The following FUT8 variants were observed in gnomAD, a reference collection of about 807,000 sequenced individuals.
FUT8 encodes the protein fucosyltransferase 8, also known as alpha-(1,6)-fucosyltransferase.
FUT8 carries 29 observed loss-of-function variants against 71.3 expected under a neutral mutation model. That is an observed-to-expected ratio of 0.41 (90% CI 0.30 to 0.55). The LOEUF (loss-of-function observed/expected upper bound fraction) is 0.55, where lower values mean the gene tolerates loss of function less well. FUT8 is among the 20% of genes least tolerant of loss of function. FUT8 has a pLI of 0.34. For synonymous variants in FUT8, 254 were observed against 239.3 expected, an observed-to-expected ratio of 1.06 and a Z score of -0.57; for missense variants, 544 against 702.1, an observed-to-expected ratio of 0.77 and a Z score of 2.55.
At chr14:65,588,284 C>G (rs1386732944) in intron 3 of FUT8, among the ~76,000 whole-genome samples, 1 of 152,130 alleles carries the variant, frequency 6.6e-6, no homozygotes, top group African/African-American at 2.4e-5. Context: ...TGCACATGCT[C>G]TTCCTTCTGT....
At chr14:65,390,560 T>G in the FUT8 span, among the ~76,000 whole-genome samples, 3 of 151,842 alleles carry the variant, frequency 2.0e-5, no homozygotes, top group African/African-American at 7.3e-5. Context: ...ATGAAGTAAT[T>G]CAGGTTTTCT....
At chr14:65,369,765 C>CTTTCTCAGGAG in the FUT8 span, among the ~76,000 whole-genome samples, 1 of 152,202 alleles carries the variant, frequency 6.6e-6, no homozygotes, top group African/African-American at 2.4e-5. The surrounding 1 kb of genome is among the most constrained non-coding windows in gnomAD (Gnocchi z 4.6). Context: ...GTGCCCACTC[C>CTTTCTCAGGAG]TTTCTCAGGA....
intron 8 of FUT8, 114 bp downstream of exon 8, chr14:65,722,135 A>C (rs1245624205): frequency 7.6e-7 from 1 of 1,309,656 alleles, no homozygotes; most frequent in Non-Finnish European, 1.0e-6. Context: ...GTCCCACCAA[A>C]GGACAGAGGT....
At chr14:65,367,907 A>G in the FUT8 span, among the ~76,000 whole-genome samples, 1 of 152,094 alleles carries the variant, frequency 6.6e-6, no homozygotes, top group South Asian at 2.1e-4. Flanking sequence ...CTTTCTTCAT[A>G]AGAAAAGCTG....
intron 2 of FUT8, among the ~76,000 whole-genome samples, chr14:65,464,311 A>T (rs1252708182): frequency 7.9e-6 from 1 of 127,288 alleles, no homozygotes; most frequent in African/African-American, 3.0e-5. Flanking sequence ...GCAAATAGAG[A>T]GTTTTATTTC....
At chr14:65,687,802 T>C (rs1893371706) in intron 7 of FUT8, among the ~76,000 whole-genome samples, 1 of 151,812 alleles carries the variant, frequency 6.6e-6, no homozygotes, top group Non-Finnish European at 1.5e-5. Flanking sequence ...GGTGCGATCA[T>C]AGCTCACTGC....
At chr14:65,690,722 T>C (rs1392635647) in intron 7 of FUT8, among the ~76,000 whole-genome samples, 1 of 149,020 alleles carries the variant, frequency 6.7e-6, no homozygotes, top group Non-Finnish European at 1.5e-5. Flanking sequence ...AGGAAAACAT[T>C]TGACTTTTTT....
intron 9 of FUT8, among the ~76,000 whole-genome samples, chr14:65,730,345 G>A (rs1260713538): frequency 2.0e-5 from 3 of 152,140 alleles, no homozygotes; most frequent in Non-Finnish European, 4.4e-5. Context: ...TTAATGCTTT[G>A]TGGCTTGGTA....
upstream of FUT8, chr14:65,412,128 G>T (rs1416576661): frequency 4.4e-6 from 2 of 454,282 alleles, no homozygotes; most frequent in Non-Finnish European, 8.8e-6. Context: ...TCAGGCCCTC[G>T]TGGGGGGGGT....
At chr14:65,546,510 A>G (rs770518709) in intron 2 of FUT8, among the ~76,000 whole-genome samples, 2 of 151,712 alleles carry the variant, frequency 1.3e-5, no homozygotes, top group African/African-American at 2.4e-5. Context: ...TTGTTTTTTT[A>G]AACTGATGAA....
chr14:65,498,618 G>T (rs1333145274), intron 2 of FUT8, among the ~76,000 whole-genome samples: 1 of 152,068 alleles, frequency 6.6e-6, no homozygotes, highest in Non-Finnish European at 1.5e-5. Flanking sequence ...CTATCTGCCA[G>T]TACAACAATG....
chr14:65,692,700 A>G (rs928699663), intron 7 of FUT8, among the ~76,000 whole-genome samples: 1 of 136,036 alleles, frequency 7.4e-6, no homozygotes, highest in African/African-American at 2.9e-5. Flanking sequence ...GGGGCTCCTC[A>G]CTTCTCAGAC....
At chr14:65,623,738 A>G (rs899840635) in intron 5 of FUT8, among the ~76,000 whole-genome samples, 3 of 151,936 alleles carry the variant, frequency 2.0e-5, no homozygotes, top group Non-Finnish European at 4.4e-5. Flanking sequence ...AACAACAACA[A>G]CAAGTTATAT....
chr14:65,458,600 T>C (rs2065928614), intron 2 of FUT8, among the ~76,000 whole-genome samples: 1 of 152,184 alleles, frequency 6.6e-6, no homozygotes, highest in Non-Finnish European at 1.5e-5. Flanking sequence ...TAGGATGGTT[T>C]AGACTCTAGC....
chr14:65,677,190 G>A (rs1255910351), intron 7 of FUT8, among the ~76,000 whole-genome samples: 2 of 147,796 alleles, frequency 1.4e-5, no homozygotes, highest in African/African-American at 2.5e-5. Flanking sequence ...GTGTGCGCAT[G>A]TGTGTTTTTA....
chr14:65,598,916 C>G (rs8005243), intron 3 of FUT8, among the ~76,000 whole-genome samples: 104,198 of 151,950 alleles, frequency 0.69, 35,960 homozygotes, highest in East Asian at 0.85. Context: ...TCACCCTCCT[C>G]AGTAGCTGGG....
chr14:65,554,980 C>G (rs1478665310), intron 2 of FUT8, among the ~76,000 whole-genome samples: 2 of 151,976 alleles, frequency 1.3e-5, no homozygotes, highest in African/African-American at 4.8e-5. Context: ...TGTTTTTAAG[C>G]TTTGTTAGGG....
At position 65,652,126 on chromosome 14, in the gene FUT8, A is replaced by C. The variant is rs936313066; in HGVS notation, c.598-17117A>C. On this transcript the variant is annotated intron_variant, in intron 6 of 10. Coordinates refer to ENST00000673929, the MANE Select transcript of FUT8 (RefSeq NM_001371533.1). The surrounding 1 kb of genome is among the most constrained non-coding windows in gnomAD (Gnocchi z 4.0). ...GAACAACTTCTTCCTTAGAGCCTCC[A>C]GAAGAAGCCAACCCTGCCAACACCT... Among the ~76,000 whole-genome samples, 1 of 152,202 alleles carries C rather than the reference A, an allele frequency of 6.6e-6. No individual in the cohort carries two copies.
chr14:65,462,487 C>A (rs1458971987), intron 2 of FUT8, among the ~76,000 whole-genome samples: 1 of 152,124 alleles, frequency 6.6e-6, no homozygotes, highest in East Asian at 1.9e-4. Context: ...CCACGTTTGT[C>A]TGTCATGTCA....
Sources: gnomAD v4.1 joint callset for allele counts (sites outside exome capture counted in the v4.1 genomes callset) on GRCh38, gnomAD v4.1.1 for gene constraint, Gnocchi (gnomAD v3.1) non-coding constraint, MANE v1.5 for transcripts, NCBI Gene and HGNC (gene_info 2026-07-23, HGNC 2026-07-21) for gene names.